The following BORCS5 variants were observed in gnomAD, a reference collection of about 807,000 sequenced individuals.
BORCS5 encodes BLOC-1 related complex subunit 5, also known as BLOC-1-related complex subunit 5.
A neutral mutation model predicts 22.1 loss-of-function variants in BORCS5; 17 were observed. The observed-to-expected ratio is 0.77, with a 90% CI of 0.53 to 1.15. BORCS5 has a LOEUF of 1.15. BORCS5 is among the 50% of genes most tolerant of loss of function. The probability of loss-of-function intolerance (pLI) is 0.00; values close to 1 mark genes in which losing one functional copy is unlikely to be tolerated. For missense variants in BORCS5, 247 were observed against 253.2 expected (o/e 0.98, Z 0.17); for synonymous variants, 117 against 99.8 (o/e 1.17, Z -1.03).
Position 12,361,321 on chromosome 12 carries a change from G to C in BORCS5, c.174G>C (p.Glu58Asp). 2 of 1,614,160 alleles carry C rather than the reference G, an allele frequency of 1.2e-6. No homozygotes were observed. The highest frequency in any genetic ancestry group is 1.7e-6 in the Non-Finnish European group (2 of 1,180,010). Residue 58 changes from glutamate to aspartate, a missense_variant, in exon 2 of 4, where the codon GAG becomes GAC. By Grantham distance (45) the Glu-to-Asp change is conservative. Transcript: ENST00000314565. ...SNDPDVIKLQ[E>D]IPTFQPLLKG... Reference sequence around the variant, plus strand: ...ATCCCGATGTCATCAAGTTGCAAGAGATTCCAACCTTCCAGCCCCTTTTGA... The same window carrying C: ...ATCCCGATGTCATCAAGTTGCAAGACATTCCAACCTTCCAGCCCCTTTTGA...
intron 2 of BORCS5, among the ~76,000 whole-genome samples, chr12:12,380,330 T>A (rs1002351595): frequency 6.0e-5 from 9 of 151,082 alleles, no homozygotes; most frequent in Non-Finnish European, 1.3e-4. Flanking sequence ...TTAAAAAAAA[T>A]TTGAAGTGGA....
At chr12:12,382,659 A>C (rs1406431880) in intron 2 of BORCS5, among the ~76,000 whole-genome samples, 1 of 150,358 alleles carries the variant, frequency 6.7e-6, no homozygotes, top group Non-Finnish European at 1.5e-5. Context: ...CAGCCTCCCA[A>C]GTAGCTGGGA....
rs1444876617 is a variant in BORCS5, at chr12:12,410,537, A to G, written c.203-25091A>G. Reference sequence around the variant, plus strand: ...GGTTTGTCAAAGATCAGATAGTTGTAGATATGCGGCATTATTTCTGAGGGC... The same window carrying G: ...GGTTTGTCAAAGATCAGATAGTTGTGGATATGCGGCATTATTTCTGAGGGC... On this transcript the variant is annotated intron_variant, in intron 2 of 3. Transcript: ENST00000314565. Among the ~76,000 whole-genome samples, 3 of 151,980 alleles carry G rather than the reference A, an allele frequency of 2.0e-5. No homozygotes were observed. In the East Asian group the frequency reaches 5.8e-4, roughly 29 times the overall value.
In BORCS5 at chr12:12,423,438, CTTTTTT is replaced by C. The variant is rs939681383; in HGVS notation, c.203-12167_203-12162del. Among the ~76,000 whole-genome samples the C allele has an allele frequency of 2.1e-4, 12 of 57,254 alleles. No individual in the cohort carries two copies. In the East Asian group the frequency reaches 0.01, roughly 50 times the overall value. The allele number at this position is 57,254 out of a possible 152,430, so 37.6% of individuals were successfully genotyped here. A position where few individuals can be genotyped will look rare whatever the true frequency, so the allele number is the denominator to read the frequency against. On this transcript the variant is annotated intron_variant, in intron 2 of 3. Coordinates refer to ENST00000314565, the MANE Select transcript of BORCS5 (RefSeq NM_058169.6). ...GTCTAGTATTAAGAAACTCCCTCAG[CTTTTTT>C]TTTTTTTTTTTTTTTTTTTTTTCCT...
intron 2 of BORCS5, among the ~76,000 whole-genome samples, chr12:12,432,672 C>T (rs1942458825): frequency 6.6e-6 from 1 of 152,110 alleles, no homozygotes; most frequent in Non-Finnish European, 1.5e-5. Flanking sequence ...ACATATATAC[C>T]ATGGAATACT....
At chr12:12,374,474 G>GAA (rs764589011) in intron 2 of BORCS5, among the ~76,000 whole-genome samples, 4 of 131,122 alleles carry the variant, frequency 3.1e-5, no homozygotes, top group Non-Finnish European at 5.0e-5. Flanking sequence ...CTGTACTACA[G>GAA]AAAAAAAAAA....
intron 2 of BORCS5, among the ~76,000 whole-genome samples, chr12:12,431,485 C>T (rs1003815532): frequency 4.1e-5 from 6 of 147,994 alleles, no homozygotes; most frequent in African/African-American, 1.5e-4. Context: ...TCACTGCAAG[C>T]TCCGCCTCCG....
intron 3 of BORCS5, among the ~76,000 whole-genome samples, chr12:12,453,434 A>T (rs1942948192): frequency 6.6e-6 from 1 of 152,144 alleles, no homozygotes. Flanking sequence ...TTCCTTTAGG[A>T]TTAAAAATGT....
chr12:12,416,267 G>GA (rs1941951573), intron 2 of BORCS5, among the ~76,000 whole-genome samples: 1 of 151,706 alleles, frequency 6.6e-6, no homozygotes, highest in Admixed American at 6.6e-5. Context: ...TCTTTTTAAA[G>GA]AATCAACTTT....
rs768594214 is a variant in BORCS5 at position 12,374,073 on chromosome 12, T to C, written c.202+12724T>C. ...TGCAATCTCGGCTCACTGCAAGCTC[T>C]GCCTCCCGGGTTCACGCCATTCTCC... On this transcript the variant is annotated intron_variant, in intron 2 of 3. Coordinates refer to ENST00000314565, the MANE Select transcript of BORCS5 (RefSeq NM_058169.6). 7.6e-4 allele frequency among the ~76,000 whole-genome samples: 111 copies of C among 146,422 alleles called. 1 individual carries two copies. The highest frequency in any genetic ancestry group is 2.4e-3 in the African/African-American group (90 of 38,282).
At chr12:12,422,689 C>T (rs1942165913) in intron 2 of BORCS5, among the ~76,000 whole-genome samples, 1 of 152,104 alleles carries the variant, frequency 6.6e-6, no homozygotes, top group Non-Finnish European at 1.5e-5. Flanking sequence ...AAAAACTCTG[C>T]TCCTTTCCAG....
At chr12:12,424,829 A>G (rs559965840) in intron 2 of BORCS5, among the ~76,000 whole-genome samples, 3 of 152,186 alleles carry the variant, frequency 2.0e-5, no homozygotes, top group South Asian at 2.1e-4. Flanking sequence ...GCAACTTTCT[A>G]ATTTCCCCTA....
chr12:12,414,794 G>T (rs1330367873), intron 2 of BORCS5, among the ~76,000 whole-genome samples: 1 of 143,064 alleles, frequency 7.0e-6, no homozygotes, highest in African/African-American at 2.6e-5. Context: ...CTTCTCAGAC[G>T]GGGCGGTTGC....
At chr12:12,430,151 A>ATTTGTTTTTTT (rs1942384881) in intron 2 of BORCS5, among the ~76,000 whole-genome samples, 1 of 107,748 alleles carries the variant, frequency 9.3e-6, no homozygotes, top group Non-Finnish European at 1.8e-5. Context: ...CTTAGAGAAA[A>ATTTGTTTTTTT]TTTTTTTTTT....
chr12:12,440,705 C>G (rs1472049709), intron 3 of BORCS5, among the ~76,000 whole-genome samples: 2 of 151,596 alleles, frequency 1.3e-5, no homozygotes, highest in South Asian at 2.1e-4. Flanking sequence ...AACTTTGGGG[C>G]TTCAGGGACA....
intron 2 of BORCS5, among the ~76,000 whole-genome samples, chr12:12,415,695 A>G (rs1459522306): frequency 1.3e-5 from 2 of 151,808 alleles, no homozygotes; most frequent in African/African-American, 4.8e-5. Context: ...GTCATGGTGT[A>G]TAATCCTTTT....
intron 3 of BORCS5, among the ~76,000 whole-genome samples, chr12:12,443,749 TGA>T (rs1251127503): frequency 3.3e-5 from 5 of 152,384 alleles, no homozygotes. Flanking sequence ...TGAGCATGTG[TGA>T]ACAGCAGCCC....
At chr12:12,359,675 A>AC (rs1307860486) in intron 1 of BORCS5, among the ~76,000 whole-genome samples, 2 of 151,322 alleles carry the variant, frequency 1.3e-5, no homozygotes, top group Admixed American at 6.6e-5. Flanking sequence ...TTGACTTAAA[A>AC]AAAAAAAAAA....
chr12:12,412,442 C>T (rs1423392956), intron 2 of BORCS5, among the ~76,000 whole-genome samples: 3 of 152,068 alleles, frequency 2.0e-5, no homozygotes, highest in Admixed American at 1.3e-4. Flanking sequence ...AATAGAAATG[C>T]AACTGATTTT....
Sources: allele counts gnomAD v4.1 joint callset (sites outside exome capture counted in the v4.1 genomes callset), GRCh38; gene constraint gnomAD v4.1.1; transcripts MANE v1.5; gene names NCBI Gene and HGNC (gene_info 2026-07-23, HGNC 2026-07-21).